The following BCAS3 variants were observed in gnomAD, a reference collection of about 807,000 sequenced individuals.
BCAS3 encodes the protein BCAS3 microtubule associated cell migration factor, also known as BCAS4/BCAS3 fusion.
Under a neutral mutation model 116.1 loss-of-function variants are expected in BCAS3, and 53 were observed. The observed-to-expected ratio is 0.46, with a 90% confidence interval of 0.37 to 0.57. The LOEUF is 0.57. BCAS3 is among the 20% of genes least tolerant of loss of function. The pLI is 0.00. For synonymous variants in BCAS3, 391 were observed against 408.2 expected, an observed-to-expected ratio of 0.96 and a Z score of 0.51; for missense variants, 917 against 1,165.4, an observed-to-expected ratio of 0.79 and a Z score of 3.10.
intron 22 of BCAS3, among the ~76,000 whole-genome samples, chr17:61,115,043 A>G (rs1279450937): frequency 4.0e-5 from 6 of 150,880 alleles, no homozygotes; most frequent in East Asian, 2.0e-4. Context: ...CCATATGTAG[A>G]AAGCTGAAAC....
chr17:61,241,673 C>T lies in BCAS3; in HGVS notation c.2426-126654C>T, dbSNP rs1458830838. On this transcript the variant is annotated intron_variant, in intron 22 of 23. Transcript: ENST00000407086. The surrounding 1 kb of genome is among the most constrained non-coding windows in gnomAD (Gnocchi z 4.6). ...GCCAGAGCTTGCAGTGAGCCGAGAT[C>T]GTGCCAGTGCACTCCAGCCTGGGCA... 1.3e-5 allele frequency among the ~76,000 whole-genome samples: 2 copies of T among 151,902 alleles called. No homozygotes were observed. The highest frequency in any genetic ancestry group is 4.8e-5 in the African/African-American group (2 of 41,366).
chr17:60,891,108 T>A (rs974007258), intron 10 of BCAS3, among the ~76,000 whole-genome samples: 1 of 152,188 alleles, frequency 6.6e-6, no homozygotes, highest in Admixed American at 6.5e-5. Context: ...AATTATTCTT[T>A]TCAAACAAAA....
chr17:60,851,292 A>AGTGGCAGCAGCCAGGC (rs2053129362), intron 7 of BCAS3: 3 of 300,398 alleles, frequency 1.0e-5, no homozygotes, highest in Non-Finnish European at 2.0e-5. Context: ...CTGCAGGAGG[A>AGTGGCAGCAGCCAGGC]GTGGCAGCAG....
At chr17:61,154,690 C>T (rs777104906) in intron 22 of BCAS3, among the ~76,000 whole-genome samples, 1 of 152,158 alleles carries the variant, frequency 6.6e-6, no homozygotes. Context: ...CGACCCTCCC[C>T]ACATGGGTCT....
Position 61,364,161 on chromosome 17 carries a change from G to A in BCAS3, c.2426-4166G>A, listed in dbSNP as rs186795529. Among the ~76,000 whole-genome samples, 8 of 152,330 alleles carry A rather than the reference G, an allele frequency of 5.3e-5. No homozygotes were observed. In the East Asian group the frequency reaches 1.5e-3, roughly 29 times the overall value. On this transcript the variant is annotated intron_variant, in intron 22 of 23. Transcript: ENST00000407086. This position sits in a 1 kb window ranked among gnomAD's most constrained non-coding sequence, Gnocchi z 5.4. ...GTCTCAGGACGGTAGAAATGATCAG[G>A]TGCTTCTTTGCTGAACACTTCTGAT... is the stretch of plus-strand genomic sequence containing the variant.
chr17:60,775,706 G>A (rs1320473482), intron 6 of BCAS3, among the ~76,000 whole-genome samples: 1 of 151,956 alleles, frequency 6.6e-6, no homozygotes, highest in Non-Finnish European at 1.5e-5. Context: ...TTAAAAGAAG[G>A]AAAACAAAAA....
intron 7 of BCAS3, among the ~76,000 whole-genome samples, chr17:60,825,755 T>C (rs1451434499): frequency 6.6e-6 from 1 of 151,550 alleles, no homozygotes; most frequent in South Asian, 2.1e-4. Flanking sequence ...CAACCTCTTT[T>C]GTAAGGTTGC....
intron 22 of BCAS3, among the ~76,000 whole-genome samples, chr17:61,270,626 G>A (rs751033581): frequency 3.3e-5 from 5 of 152,160 alleles, no homozygotes; most frequent in Non-Finnish European, 5.9e-5. Context: ...TGCTTTCATT[G>A]CCTGCGCTTT....
In BCAS3 at chr17:60,947,292, C is replaced by G. The variant is rs1158202343; in HGVS notation, c.1161C>G (p.Ser387=). The change falls in exon 14 of 24, where the codon TCC becomes TCG. Residue 387 remains serine, a synonymous_variant. Coordinates refer to ENST00000407086, the MANE Select transcript of BCAS3 (RefSeq NM_017679.5). Reference sequence around the variant, plus strand: ...TCCAAATTCTGACTCATCCTTGGTCCTCATCACAATGTGCTGTCCACCATC... The same window carrying G: ...TCCAAATTCTGACTCATCCTTGGTCGTCATCACAATGTGCTGTCCACCATC... The part of the protein sequence containing the change: ...HVFQILTHPW[S]SSQCAVHHLY... 2 of 1,612,892 alleles carry G rather than the reference C, an allele frequency of 1.2e-6. No individual in the cohort carries two copies. The highest frequency in any genetic ancestry group is 1.1e-5 in the South Asian group (1 of 91,062).
rs140832866 is a variant in BCAS3 at position 61,258,248 on chromosome 17, G to A, written c.2426-110079G>A. 2.0e-5 allele frequency among the ~76,000 whole-genome samples: 3 copies of A among 152,176 alleles called. No homozygotes were observed. Among genetic ancestry groups the A allele is most frequent in the East Asian group, 1.9e-4 (1 of 5,182 alleles). ...CCTCTTATGGGACTTACCATGTTTC[G>A]CCTGATGTTGTCTTTAAGTATGTAA... On this transcript the variant is annotated intron_variant, in intron 22 of 23. Transcript: ENST00000407086. This position sits in a 1 kb window ranked among gnomAD's most constrained non-coding sequence, Gnocchi z 4.7.
rs191547659 is a variant in BCAS3 at position 60,990,803 on chromosome 17, C to G, written c.1486+568C>G. Among the ~76,000 whole-genome samples, 2 of 152,106 alleles carry G rather than the reference C, an allele frequency of 1.3e-5. No homozygotes were observed. The highest frequency in any genetic ancestry group is 6.5e-5 in the Admixed American group (1 of 15,270). ...CTGGGATTACAGGCATCCGCCACCA[C>G]GCCTGGCTGATTTTCAGTATTTTTA... On this transcript the variant is annotated intron_variant, in intron 15 of 23. Coordinates refer to ENST00000407086, the MANE Select transcript of BCAS3 (RefSeq NM_017679.5). This position sits in a 1 kb window ranked among gnomAD's most constrained non-coding sequence, Gnocchi z 5.1.
intron 22 of BCAS3, among the ~76,000 whole-genome samples, chr17:61,225,894 C>T (rs2082345636): frequency 6.6e-6 from 1 of 152,062 alleles, no homozygotes; most frequent in Admixed American, 6.6e-5. Flanking sequence ...GGGAAGGCTT[C>T]GTTATTGGTG....
intron 11 of BCAS3, among the ~76,000 whole-genome samples, chr17:60,908,739 T>G (rs1043822760): frequency 1.3e-5 from 2 of 152,210 alleles, no homozygotes; most frequent in African/African-American, 2.4e-5. Context: ...TTACAATTGA[T>G]TTGTGGCTTT....
At chr17:61,173,856 A>G (rs980509138) in intron 22 of BCAS3, among the ~76,000 whole-genome samples, 1 of 152,092 alleles carries the variant, frequency 6.6e-6, no homozygotes, top group Non-Finnish European at 1.5e-5. Flanking sequence ...ACTCCAGCCT[A>G]GGTGACAGAG....
chr17:61,092,438 A>G (rs2073653547), intron 22 of BCAS3, among the ~76,000 whole-genome samples: 1 of 152,176 alleles, frequency 6.6e-6, no homozygotes, highest in Non-Finnish European at 1.5e-5. Flanking sequence ...TAACTTTATT[A>G]GGAACTGCCA....
In BCAS3 at chr17:61,344,338, G is replaced by A. The variant is rs2057368506; in HGVS notation, c.2426-23989G>A. The stretch of plus-strand genomic sequence containing the variant: ...ATGGGCCTCTTCAACCAAGTCTCTG[G>A]GTCTTCTTGTCAAGACTAATTTCCT... On this transcript the variant is annotated intron_variant, in intron 22 of 23. Coordinates refer to ENST00000407086, the MANE Select transcript of BCAS3 (RefSeq NM_017679.5). The surrounding 1 kb of genome is among the most constrained non-coding windows in gnomAD (Gnocchi z 4.1). Among the ~76,000 whole-genome samples, 1 of 151,986 alleles carries A rather than the reference G, an allele frequency of 6.6e-6. No homozygotes were observed. The highest frequency in any genetic ancestry group is 2.4e-5 in the African/African-American group (1 of 41,372).
At position 61,095,419 on chromosome 17, in the gene BCAS3, A is replaced by G. The variant is rs1479195927; in HGVS notation, c.2425+10855A>G. On this transcript the variant is annotated intron_variant, in intron 22 of 23. Transcript: ENST00000407086. This position sits in a 1 kb window ranked among gnomAD's most constrained non-coding sequence, Gnocchi z 4.7. The stretch of plus-strand genomic sequence containing the variant: ...AATTGTATTAAATGTTGATAGATAT[A>G]GTACATATAAACCAAAGATCTTTGG... 6.6e-6 allele frequency among the ~76,000 whole-genome samples: 1 copy of G among 152,202 alleles called. No homozygotes were observed. The highest frequency in any genetic ancestry group is 1.5e-5 in the Non-Finnish European group (1 of 68,030).
intron 7 of BCAS3, among the ~76,000 whole-genome samples, chr17:60,844,135 A>G (rs976786853): frequency 6.6e-6 from 1 of 151,970 alleles, no homozygotes; most frequent in Non-Finnish European, 1.5e-5. Context: ...ACACCCAGCT[A>G]ATTTTGTTTT....
At position 61,344,523 on chromosome 17, in the gene BCAS3, A is replaced by G. The variant is rs1485157908; in HGVS notation, c.2426-23804A>G. 6.6e-6 allele frequency among the ~76,000 whole-genome samples: 1 copy of G among 152,162 alleles called. No individual in the cohort carries two copies. Among genetic ancestry groups the G allele is most frequent in the Non-Finnish European group, 1.5e-5 (1 of 68,040 alleles). On this transcript the variant is annotated intron_variant, in intron 22 of 23. Transcript: ENST00000407086. This position sits in a 1 kb window ranked among gnomAD's most constrained non-coding sequence, Gnocchi z 4.1. Reference sequence around the variant, plus strand: ...GGTACCATGGAGAGCAAAGTAGATGATATCTCTGCCCCCATGGGGCTTATA... The same window carrying G: ...GGTACCATGGAGAGCAAAGTAGATGGTATCTCTGCCCCCATGGGGCTTATA...
Sources: allele counts gnomAD v4.1 joint callset (sites outside exome capture counted in the v4.1 genomes callset), GRCh38; gene constraint gnomAD v4.1.1; non-coding constraint Gnocchi (gnomAD v3.1); transcripts MANE v1.5; gene names NCBI Gene and HGNC (gene_info 2026-07-23, HGNC 2026-07-21).